Variants in SDC4 observed in about 807,000 individuals in gnomAD.
SDC4 encodes syndecan 4, also known as syndecan-4.
A neutral mutation model predicts 20.5 loss-of-function variants in SDC4; 17 were observed. The observed-to-expected ratio is 0.83, with a 90% confidence interval of 0.57 to 1.25. The LOEUF (loss-of-function observed/expected upper bound fraction) is 1.25, where lower values mean the gene tolerates loss of function less well. Among genes scored for constraint, SDC4 ranks in the 50% most tolerant of loss-of-function variants. SDC4 has a pLI of 0.00. For missense variants in SDC4, 241 were observed against 252.3 expected (o/e 0.96, Z 0.30); for synonymous variants, 107 against 105.3 (o/e 1.02, Z -0.10).
chr20:45,331,500 G>T (rs991539793), intron 3 of SDC4, among the ~76,000 whole-genome samples: 1 of 152,108 alleles, frequency 6.6e-6, no homozygotes, highest in Non-Finnish European at 1.5e-5. Context: ...CTGCTGGGCC[G>T]CATTCCCAGT....
At chr20:45,334,791 A>C (rs1332176618) in intron 2 of SDC4, among the ~76,000 whole-genome samples, 1 of 152,000 alleles carries the variant, frequency 6.6e-6, no homozygotes, top group African/African-American at 2.4e-5. Context: ...CCGGCCATAA[A>C]ATTTATTTTT....
chr20:45,330,210 A>T (rs2070639), intron 4 of SDC4, among the ~76,000 whole-genome samples, 156 bp downstream of exon 4: 1 of 151,986 alleles, frequency 6.6e-6, no homozygotes, highest in South Asian at 2.1e-4. Context: ...CCCATAAGGA[A>T]GGTGTAGTCT....
At chr20:45,347,060 C>T (rs1325376114) in intron 1 of SDC4, among the ~76,000 whole-genome samples, 1 of 152,100 alleles carries the variant, frequency 6.6e-6, no homozygotes, top group East Asian at 1.9e-4. Flanking sequence ...CCTGGATATA[C>T]CCATTAGAAA....
chr20:45,327,351 G>A lies in SDC4; in HGVS notation c.510C>T (p.Tyr170=). The A allele has an allele frequency of 2.5e-6, 4 of 1,614,106 alleles. No individual in the cohort carries two copies. The highest frequency in any genetic ancestry group is 3.4e-6 in the Non-Finnish European group (4 of 1,180,006). Residue 170 remains tyrosine, a synonymous_variant, in exon 5 of 5, where the codon TAC becomes TAT. Transcript: ENST00000372733. The stretch of plus-strand genomic sequence containing the variant: ...TGCCTTCATCCTTCTTCTTCATACG[G>A]TACATGAGCAGTAGGATCAGGAAGA... ...FAVFLILLLM[Y]RMKKKDEGSY...
chr20:45,337,180 C>T (rs1335484758), intron 1 of SDC4, among the ~76,000 whole-genome samples: 1 of 152,170 alleles, frequency 6.6e-6, no homozygotes, highest in Non-Finnish European at 1.5e-5. Flanking sequence ...TTTGGATGCC[C>T]ATCACCCTTC....
intron 3 of SDC4, 73 bp from the exon 4 acceptor site, chr20:45,330,637 C>T: frequency 3.0e-6 from 4 of 1,318,096 alleles, no homozygotes; most frequent in Non-Finnish European, 4.3e-6. Context: ...CAGGGACATT[C>T]AGCCAGGCAG....
chr20:45,336,055 C>T, intron 1 of SDC4, 135 bp from the exon 2 acceptor site: 1 of 821,182 alleles, frequency 1.2e-6, no homozygotes, highest in Non-Finnish European at 1.9e-6. Context: ...CGTCCTGGAT[C>T]CCACTCTACC....
chr20:45,326,564 T>C lies in SDC4; in HGVS notation c.*700A>G, dbSNP rs900576714. 1.3e-5 allele frequency: 2 copies of C among 152,310 alleles called. No homozygotes were observed. Among genetic ancestry groups the C allele is most frequent in the African/African-American group, 4.8e-5 (2 of 41,408 alleles). 9.4% of individuals were successfully genotyped at this position (152,310 alleles called of 1,614,324 possible). A position where few individuals can be genotyped will look rare whatever the true frequency, so the allele number is the denominator to read the frequency against. ...CCACACTCTTGCCCAGGCAGAGATATACACTCTGCACAAAGGAATGAACAG... is the reference window on the plus strand; with the variant it reads ...CCACACTCTTGCCCAGGCAGAGATACACACTCTGCACAAAGGAATGAACAG... On this transcript the variant is annotated 3_prime_UTR_variant, in exon 5 of 5. Transcript: ENST00000372733.
intron 3 of SDC4, among the ~76,000 whole-genome samples, chr20:45,332,309 G>A (rs914318974): frequency 1.3e-5 from 2 of 151,998 alleles, no homozygotes; most frequent in East Asian, 1.9e-4. Context: ...ACAGGCGCAC[G>A]CCACTGTGCC....
rs761104715 is a variant in SDC4, at chr20:45,342,015, G to A, written c.61-6095C>T. Reference sequence around the variant, plus strand: ...CAAGCTGGGCATTGCTCCGATTACCGGTGGAGACAGCCAGGAGGGGGCTGG... The same window carrying A: ...CAAGCTGGGCATTGCTCCGATTACCAGTGGAGACAGCCAGGAGGGGGCTGG... On this transcript the variant is annotated intron_variant, in intron 1 of 4. Coordinates refer to ENST00000372733, the MANE Select transcript of SDC4 (RefSeq NM_002999.4). Among the ~76,000 whole-genome samples the A allele has an allele frequency of 3.9e-5, 6 of 152,170 alleles. No individual in the cohort carries two copies. The South Asian group carries it at 8.3e-4, about 21-fold the overall frequency.
At chr20:45,330,070 T>C (rs756622226) in intron 4 of SDC4, among the ~76,000 whole-genome samples, 1 of 152,188 alleles carries the variant, frequency 6.6e-6, no homozygotes, top group South Asian at 2.1e-4. Context: ...GCCAAACTTA[T>C]ACAGTGAAAG....
chr20:45,339,392 C>T (rs941478996), intron 1 of SDC4, among the ~76,000 whole-genome samples: 1 of 152,254 alleles, frequency 6.6e-6, no homozygotes, highest in African/African-American at 2.4e-5. Flanking sequence ...CACAGGCACC[C>T]TCTCTGGGCT....
Position 45,327,207 on chromosome 20 carries a change from C to G in SDC4, c.*57G>C. The G allele has an allele frequency of 6.2e-7, 1 of 1,604,540 alleles. No individual in the cohort carries two copies. Among genetic ancestry groups the G allele is most frequent in the Non-Finnish European group, 8.5e-7 (1 of 1,173,190 alleles). On this transcript the variant is annotated 3_prime_UTR_variant, in exon 5 of 5. Coordinates refer to ENST00000372733, the MANE Select transcript of SDC4 (RefSeq NM_002999.4). ...TCACCCTACCCTAATGTCCACCCTT[C>G]AAAATCCCCTGGCTTCCCTCCCCGC...
In SDC4 at chr20:45,327,174, G is replaced by T; in HGVS notation, c.*90C>A. ...TGGAGATACTGACAAGTCAGTATTA[G>T]GTTGACCTCACCCTACCCTAATGTC... On this transcript the variant is annotated 3_prime_UTR_variant, in exon 5 of 5. Coordinates refer to ENST00000372733, the MANE Select transcript of SDC4 (RefSeq NM_002999.4). The T allele has an allele frequency of 7.1e-7, 1 of 1,407,460 alleles. No homozygotes were observed. The highest frequency in any genetic ancestry group is 9.9e-7 in the Non-Finnish European group (1 of 1,005,066). The allele number at this position is 1,407,460 out of a possible 1,614,324, so 87.2% of individuals were successfully genotyped here. A position where few individuals can be genotyped will look rare whatever the true frequency, so the allele number is the denominator to read the frequency against.
chr20:45,327,503 C>T, intron 4 of SDC4, 88 bp from the exon 5 acceptor site: 1 of 1,413,726 alleles, frequency 7.1e-7, no homozygotes, highest in Non-Finnish European at 9.6e-7. Context: ...TGTCAGTTCT[C>T]TTACAACCAG....
At chr20:45,332,224 C>G (rs1360860958) in intron 3 of SDC4, among the ~76,000 whole-genome samples, 3 of 149,598 alleles carry the variant, frequency 2.0e-5, no homozygotes, top group Non-Finnish European at 1.5e-5. Flanking sequence ...GGTGCAATCT[C>G]TGCCCACTGC....
chr20:45,333,749 T>C (rs1323935507), intron 2 of SDC4, among the ~76,000 whole-genome samples: 1 of 152,250 alleles, frequency 6.6e-6, no homozygotes, highest in Admixed American at 6.5e-5. Context: ...CAATATATCA[T>C]TAACATCTTT....
chr20:45,342,710 G>A (rs939053457), intron 1 of SDC4, among the ~76,000 whole-genome samples: 9 of 152,152 alleles, frequency 5.9e-5, no homozygotes, highest in African/African-American at 1.9e-4. Context: ...GGGGAGGGAG[G>A]AAGGATGGCT....
intron 2 of SDC4, 125 bp from the exon 3 acceptor site, chr20:45,333,194 C>T (rs2145709864): frequency 1.2e-6 from 1 of 832,008 alleles, no homozygotes; most frequent in Non-Finnish European, 2.0e-6. Context: ...AGCAAGCGAG[C>T]TTCCCCACCC....
Sources: allele counts gnomAD v4.1 joint callset (sites outside exome capture counted in the v4.1 genomes callset), GRCh38; gene constraint gnomAD v4.1.1; transcripts MANE v1.5; gene names NCBI Gene and HGNC (gene_info 2026-07-23, HGNC 2026-07-21).